Variants in GLIS1 observed in about 807,000 individuals in gnomAD.
GLIS1 encodes zinc finger protein GLIS1.
In GLIS1, 24 loss-of-function variants were observed where a neutral mutation model predicts 63.8. The ratio of observed to expected loss-of-function variants is 0.38; its 90% confidence interval spans 0.27 to 0.53. GLIS1 has a LOEUF of 0.53. Among genes scored for constraint, GLIS1 ranks in the 20% least tolerant of loss-of-function variants. The probability of loss-of-function intolerance (pLI) is 0.85; values close to 1 mark genes in which losing one functional copy is unlikely to be tolerated. For synonymous variants in GLIS1, 450 were observed against 482.5 expected (o/e 0.93, Z 0.88); for missense variants, 1,036 against 1,074.1 (o/e 0.96, Z 0.50).
At chr1:53,582,519 C>A (rs187468432) in intron 4 of GLIS1, among the ~76,000 whole-genome samples, 1 of 152,322 alleles carries the variant, frequency 6.6e-6, no homozygotes, top group Non-Finnish European at 1.5e-5. Flanking sequence ...CTCAAGGCCC[C>A]ATCTGTCAAA....
At chr1:53,626,598 C>T (rs1645596497) in intron 2 of GLIS1, among the ~76,000 whole-genome samples, 2 of 152,238 alleles carry the variant, frequency 1.3e-5, no homozygotes, top group African/African-American at 4.8e-5. Flanking sequence ...TTGTTTTCTG[C>T]TCGCTGAGGG....
At chr1:53,658,668 C>T (rs2100353008) in intron 2 of GLIS1, among the ~76,000 whole-genome samples, 1 of 152,310 alleles carries the variant, frequency 6.6e-6, no homozygotes, top group Non-Finnish European at 1.5e-5. Context: ...TGGGCCGAAG[C>T]TGCCCCTTGC....
intron 2 of GLIS1, among the ~76,000 whole-genome samples, chr1:53,650,427 T>C (rs1645893238): frequency 1.3e-5 from 2 of 152,010 alleles, no homozygotes; most frequent in Non-Finnish European, 2.9e-5. Context: ...ACGTCTCTAC[T>C]AAAAACACAA....
At chr1:53,693,386 C>T (rs1434147355) in intron 2 of GLIS1, among the ~76,000 whole-genome samples, 2 of 152,226 alleles carry the variant, frequency 1.3e-5, no homozygotes, top group African/African-American at 2.4e-5. Context: ...CCATCCCAAA[C>T]CTTCTGGACA....
At chr1:53,566,428 T>C (rs1644937177) in intron 4 of GLIS1, among the ~76,000 whole-genome samples, 1 of 152,194 alleles carries the variant, frequency 6.6e-6, no homozygotes, top group Non-Finnish European at 1.5e-5. Context: ...TCAAGTTACT[T>C]TCCTATATAT....
At chr1:53,545,604 T>TCC (rs1644689694) in intron 4 of GLIS1, among the ~76,000 whole-genome samples, 7 of 152,354 alleles carry the variant, frequency 4.6e-5, no homozygotes, top group Non-Finnish European at 8.8e-5. Flanking sequence ...TCCAAAATAT[T>TCC]AAACAATGGT....
chr1:53,559,060 AG>A (rs1320006760), intron 4 of GLIS1, among the ~76,000 whole-genome samples: 2 of 152,194 alleles, frequency 1.3e-5, no homozygotes, highest in Non-Finnish European at 2.9e-5. Flanking sequence ...GTGGTAGCAG[AG>A]GTAAGACTCA....
chr1:53,705,489 C>T (rs1311559198), intron 2 of GLIS1, among the ~76,000 whole-genome samples: 1 of 152,194 alleles, frequency 6.6e-6, no homozygotes, highest in African/African-American at 2.4e-5. Context: ...CTTTCCTTCT[C>T]TCTTCTCTGC....
intron 4 of GLIS1, among the ~76,000 whole-genome samples, chr1:53,564,075 C>T (rs987626416): frequency 1.3e-5 from 2 of 152,152 alleles, no homozygotes; most frequent in Non-Finnish European, 2.9e-5. Flanking sequence ...TAATGATGTG[C>T]AAATAAATTC....
intron 2 of GLIS1, among the ~76,000 whole-genome samples, chr1:53,682,929 G>A (rs930517717): frequency 6.6e-6 from 1 of 152,186 alleles, no homozygotes; most frequent in Non-Finnish European, 1.5e-5. Context: ...TCTGTTAGAG[G>A]CACGAAGGGG....
intron 2 of GLIS1, among the ~76,000 whole-genome samples, chr1:53,662,991 AC>A (rs1211897741): frequency 6.6e-6 from 1 of 152,118 alleles, no homozygotes; most frequent in Non-Finnish European, 1.5e-5. Flanking sequence ...CAGGATCTGA[AC>A]TCATAGATTC....
chr1:53,715,790 G>A (rs1184165218), intron 2 of GLIS1, among the ~76,000 whole-genome samples: 1 of 152,134 alleles, frequency 6.6e-6, no homozygotes, highest in Non-Finnish European at 1.5e-5. Context: ...CTGGCCCCAT[G>A]GAGGCCGTGG....
intron 2 of GLIS1, among the ~76,000 whole-genome samples, chr1:53,609,082 T>C (rs926520189): frequency 6.6e-6 from 1 of 152,086 alleles, no homozygotes; most frequent in African/African-American, 2.4e-5. Context: ...AAAGCTCTTA[T>C]AGTGTTTCAA....
At chr1:53,705,876 G>C (rs1193015618) in intron 2 of GLIS1, among the ~76,000 whole-genome samples, 1 of 152,170 alleles carries the variant, frequency 6.6e-6, no homozygotes, top group Non-Finnish European at 1.5e-5. Flanking sequence ...CGGGAAGTCC[G>C]AGGAAGGCCA....
In GLIS1 at chr1:53,605,553, CACA is replaced by C. The variant is rs1355809645; in HGVS notation, c.260-5278_260-5276del. 2.0e-5 allele frequency among the ~76,000 whole-genome samples: 3 copies of C among 152,314 alleles called. No individual in the cohort carries two copies. The East Asian group carries it at 5.8e-4, about 29-fold the overall frequency. ...TTCCCATGGTTTTTCTCTAAATCTT[CACA>C]ACATCACTATAGTACTCTCTACTGC... is the stretch of plus-strand genomic sequence containing the variant. On this transcript the variant is annotated intron_variant, in intron 2 of 10. Coordinates refer to ENST00000628545, the MANE Select transcript of GLIS1 (RefSeq NM_001367484.1).
At chr1:53,643,355 C>CA (rs957942834) in intron 2 of GLIS1, among the ~76,000 whole-genome samples, 4 of 152,238 alleles carry the variant, frequency 2.6e-5, no homozygotes, top group African/African-American at 9.6e-5. Context: ...GTAGTGTTCC[C>CA]AGATGCTCTT....
intron 2 of GLIS1, among the ~76,000 whole-genome samples, chr1:53,631,850 G>A (rs1314579264): frequency 2.6e-5 from 4 of 152,100 alleles, no homozygotes; most frequent in Non-Finnish European, 5.9e-5. Flanking sequence ...GGCCCTGAGG[G>A]AGCAGCAGAC....
intron 2 of GLIS1, among the ~76,000 whole-genome samples, chr1:53,710,494 G>A (rs1646635480): frequency 6.6e-6 from 1 of 152,264 alleles, no homozygotes. Context: ...CACGCAGTGA[G>A]AGGACCAGTC....
chr1:53,556,538 GGT>G (rs1491242419), intron 4 of GLIS1, among the ~76,000 whole-genome samples: 23 of 93,888 alleles, frequency 2.4e-4, no homozygotes, highest in African/African-American at 9.5e-4. Context: ...GTGTACTGCA[GGT>G]GTGTGTGTGT....
Sources: allele counts gnomAD v4.1 joint callset (sites outside exome capture counted in the v4.1 genomes callset), GRCh38; gene constraint gnomAD v4.1.1; transcripts MANE v1.5; gene names NCBI Gene and HGNC (gene_info 2026-07-23, HGNC 2026-07-21).